Variants in DENR observed in about 807,000 individuals in gnomAD.
DENR encodes density-regulated protein.
In DENR, 6 loss-of-function variants were observed where a neutral mutation model predicts 30.6. The observed-to-expected ratio is 0.20, with a 90% confidence interval of 0.11 to 0.39. The LOEUF is 0.39. Among genes scored for constraint, DENR ranks in the 10% least tolerant of loss-of-function variants. DENR has a pLI of 1.00. For missense variants in DENR, 141 were observed against 230.9 expected, an observed-to-expected ratio of 0.61 and a Z score of 2.52; for synonymous variants, 78 against 72.1, an observed-to-expected ratio of 1.08 and a Z score of -0.41.
At chr12:122,753,613 G>C in intron 1 of DENR, 80 bp from the exon 2 acceptor site, 3 of 1,074,010 alleles carry the variant, frequency 2.8e-6, no homozygotes, top group Non-Finnish European at 4.2e-6. Context: ...GGGGTGGGGA[G>C]GTTTCTGTTG....
At chr12:122,767,938 C>T (rs1878889303) in intron 6 of DENR, among the ~76,000 whole-genome samples, 1 of 152,178 alleles carries the variant, frequency 6.6e-6, no homozygotes, top group Admixed American at 6.5e-5. Flanking sequence ...TGCAAAATGG[C>T]TCATCCCCTC....
intron 2 of DENR, among the ~76,000 whole-genome samples, chr12:122,756,748 C>T (rs558545384): frequency 5.3e-5 from 8 of 152,214 alleles, no homozygotes; most frequent in South Asian, 4.1e-4. Flanking sequence ...ATTATGGCAA[C>T]GTGGTTTGGG....
intron 2 of DENR, among the ~76,000 whole-genome samples, chr12:122,758,390 C>A (rs899864332): frequency 4.0e-5 from 6 of 151,678 alleles, no homozygotes; most frequent in African/African-American, 1.5e-4. Flanking sequence ...GTTCTTAAGA[C>A]TAGATTTAGT....
In DENR at chr12:122,753,229, C is replaced by T. The variant is rs1489030537; in HGVS notation, c.-10+279C>T. Among the ~76,000 whole-genome samples, 10 of 151,910 alleles carry T rather than the reference C, an allele frequency of 6.6e-5. No individual in the cohort carries two copies. The East Asian group carries it at 1.9e-3, about 29-fold the overall frequency. ...CCCTTTTTAGACTCCCCAGGCCCCTCTCATGGCGTTTAGTTGCCCCCACAC... is the reference window on the plus strand; with the variant it reads ...CCCTTTTTAGACTCCCCAGGCCCCTTTCATGGCGTTTAGTTGCCCCCACAC... On this transcript the variant is annotated intron_variant, in intron 1 of 7. Coordinates refer to ENST00000280557, the MANE Select transcript of DENR (RefSeq NM_003677.5).
At chr12:122,763,170 G>A (rs1394462247) in intron 4 of DENR, 1 of 320,814 alleles carries the variant, frequency 3.1e-6, no homozygotes, top group Admixed American at 5.1e-5. Context: ...GGGAGGCTGA[G>A]GCAGGCGGAT....
intron 2 of DENR, among the ~76,000 whole-genome samples, chr12:122,759,614 G>C (rs1454233580): frequency 6.6e-6 from 1 of 152,150 alleles, no homozygotes; most frequent in African/African-American, 2.4e-5. Flanking sequence ...CCAGCTACTC[G>C]GGAGGCTGAG....
chr12:122,767,402 A>T, intron 5 of DENR, 86 bp from the exon 6 acceptor site: 1 of 867,746 alleles, frequency 1.2e-6, no homozygotes, highest in Non-Finnish European at 1.7e-6. Context: ...AAAGAAACTT[A>T]AACCTTTTGA....
At chr12:122,763,957 G>A (rs1443778644) in intron 4 of DENR, among the ~76,000 whole-genome samples, 1 of 152,280 alleles carries the variant, frequency 6.6e-6, no homozygotes, top group East Asian at 1.9e-4. Flanking sequence ...TAGTACCCAG[G>A]GAAGATTTTG....
chr12:122,769,359 G>A lies in DENR; in HGVS notation c.*281G>A, dbSNP rs957679777. On this transcript the variant is annotated 3_prime_UTR_variant, in exon 8 of 8. Transcript: ENST00000280557. ...TACAGTAAAACTGTAGACTGTCCTC[G>A]TCCTTGGCATTTTCACTGTTCTGTA... The A allele has an allele frequency of 1.6e-5, 16 of 986,426 alleles. No individual in the cohort carries two copies. The highest frequency in any genetic ancestry group is 7.5e-5 in the African/African-American group (4 of 53,178). The allele number at this position is 986,426 out of a possible 1,614,324, so 61.1% of individuals were successfully genotyped here. A position where few individuals can be genotyped will look rare whatever the true frequency, so the allele number is the denominator to read the frequency against.
At chr12:122,759,939 A>T (rs1878650902) in intron 2 of DENR, among the ~76,000 whole-genome samples, 1 of 152,178 alleles carries the variant, frequency 6.6e-6, no homozygotes, top group African/African-American at 2.4e-5. Flanking sequence ...AATAGACTAG[A>T]CTGGACAAAA....
rs57108561 is a variant in DENR, at chr12:122,769,254, A to ATACATGTGTGTATG, written c.*178_*179insCATGTGTGTATGTA. On this transcript the variant is annotated 3_prime_UTR_variant, in exon 8 of 8. Coordinates refer to ENST00000280557, the MANE Select transcript of DENR (RefSeq NM_003677.5). ...TGTGTGTATGTATACATGTATATAT[A>ATACATGTGTGTATG]TATACATACACATATATGTATACAT... is the stretch of plus-strand genomic sequence containing the variant. 7.1e-6 allele frequency: 5 copies of ATACATGTGTGTATG among 704,588 alleles called. No homozygotes were observed. In the African/African-American group the frequency reaches 8.1e-5, roughly 11 times the overall value. 43.6% of individuals were successfully genotyped at this position (704,588 alleles called of 1,614,324 possible).
At chr12:122,766,826 G>A (rs1194056543) in intron 5 of DENR, among the ~76,000 whole-genome samples, 2 of 151,954 alleles carry the variant, frequency 1.3e-5, no homozygotes, top group Admixed American at 6.6e-5. Flanking sequence ...CTGAACTAAC[G>A]CAAGAGCCTC....
intron 4 of DENR, among the ~76,000 whole-genome samples, chr12:122,764,324 GGT>G (rs1878786700): frequency 6.6e-6 from 1 of 152,162 alleles, no homozygotes; most frequent in Non-Finnish European, 1.5e-5. Context: ...AAAGAGGCCG[GGT>G]GCAGTGGCTC....
At position 122,753,787 on chromosome 12, in the gene DENR, T is replaced by G. The variant is rs1200816424; in HGVS notation, c.86T>G (p.Leu29Arg). The G allele has an allele frequency of 6.2e-6, 10 of 1,613,810 alleles. No individual in the cohort carries two copies. Among genetic ancestry groups the G allele is most frequent in the Non-Finnish European group, 8.5e-6 (10 of 1,179,790 alleles). Residue 29 changes from leucine to arginine, a missense_variant, in exon 2 of 8, where the codon CTT (leucine) becomes CGT (arginine). Leu to Arg is a moderately radical substitution (Grantham distance 102, BLOSUM62 -2). Coordinates refer to ENST00000280557, the MANE Select transcript of DENR (RefSeq NM_003677.5). The stretch of plus-strand genomic sequence containing the variant: ...GCCAAGTTAGATGCCGATTACCCAC[T>G]TCGAGTCCTTTATTGTGGAGGCAAG... ...NSAKLDADYP[L>R]RVLYCGVCSL...
intron 2 of DENR, among the ~76,000 whole-genome samples, chr12:122,755,575 T>C (rs889256684): frequency 2.0e-5 from 3 of 152,014 alleles, no homozygotes. Context: ...CGAGACCCCA[T>C]CTCAAAAATA....
chr12:122,755,903 C>A (rs1360009003), intron 2 of DENR, among the ~76,000 whole-genome samples: 3 of 152,158 alleles, frequency 2.0e-5, no homozygotes, highest in Non-Finnish European at 4.4e-5. Flanking sequence ...TTAGACTGTA[C>A]CTTTTAATTT....
chr12:122,769,495 T>C lies in DENR; in HGVS notation c.*417T>C. 7 of 832,230 alleles carry C rather than the reference T, an allele frequency of 8.4e-6. No individual in the cohort carries two copies. The highest frequency in any genetic ancestry group is 9.9e-6 in the Non-Finnish European group (7 of 706,894). 51.6% of individuals were successfully genotyped at this position (832,230 alleles called of 1,614,324 possible). A position where few individuals can be genotyped will look rare whatever the true frequency, so the allele number is the denominator to read the frequency against. On this transcript the variant is annotated 3_prime_UTR_variant, in exon 8 of 8. Transcript: ENST00000280557. ...AATTTTGGTCATTTGGTACTGACTT[T>C]CTCTCTCTCTCTCTCTCTCTTTTTT...
At chr12:122,762,551 T>C (rs1162525477) in intron 3 of DENR, among the ~76,000 whole-genome samples, 1 of 152,248 alleles carries the variant, frequency 6.6e-6, no homozygotes, top group Non-Finnish European at 1.5e-5. Context: ...TGTAAGACTT[T>C]CTAAGTCCAG....
chr12:122,768,840 A>C lies in DENR; in HGVS notation c.471A>C (p.Ser157=). 4.3e-6 allele frequency: 7 copies of C among 1,609,906 alleles called. No individual in the cohort carries two copies. Among genetic ancestry groups the C allele is most frequent in the Non-Finnish European group, 5.9e-6 (7 of 1,178,094 alleles). Residue 157 remains serine, a synonymous_variant, in exon 7 of 8, where the codon TCA becomes TCC. Transcript: ENST00000280557. Reference sequence around the variant, plus strand: ...CTCAAAAATTCTCCTGTGGTGCCTCAGTAACAGGGGAGGATGAAATTATCA... The same window carrying C: ...CTCAAAAATTCTCCTGTGGTGCCTCCGTAACAGGGGAGGATGAAATTATCA... ...FFAQKFSCGA[S]VTGEDEIIIQ... is the part of the protein sequence containing the mutation.
Sources: gnomAD v4.1 joint callset for allele counts (sites outside exome capture counted in the v4.1 genomes callset) on GRCh38, gnomAD v4.1.1 for gene constraint, MANE v1.5 for transcripts, NCBI Gene and HGNC (gene_info 2026-07-23, HGNC 2026-07-21) for gene names.